The following NRXN1 variants were observed in gnomAD, a reference collection of about 807,000 sequenced individuals.
NRXN1 encodes neurexin 1.
A neutral mutation model predicts 150.9 loss-of-function variants in NRXN1; 39 were observed. The ratio of observed to expected loss-of-function variants is 0.26; its 90% CI spans 0.20 to 0.34. The LOEUF is 0.34. Ranked by LOEUF, NRXN1 falls within the 10% of genes least tolerant of loss-of-function variation. The pLI, the probability that NRXN1 is intolerant of heterozygous loss-of-function variation, is 1.00. For synonymous variants in NRXN1, 924 were observed against 757.0 expected (o/e 1.22, Z -3.62); for missense variants, 1,815 against 1,949.9 (o/e 0.93, Z 1.30).
At chr2:50,942,489 A>G (rs1689613170) in intron 2 of NRXN1, among the ~76,000 whole-genome samples, 1 of 152,192 alleles carries the variant, frequency 6.6e-6, no homozygotes, top group Non-Finnish European at 1.5e-5. Flanking sequence ...CATACCCTAC[A>G]GAGCCATGGA....
intron 5 of NRXN1, among the ~76,000 whole-genome samples, chr2:50,762,300 T>C (rs978077602): frequency 2.0e-5 from 3 of 151,888 alleles, no homozygotes; most frequent in Middle Eastern, 3.2e-3. Flanking sequence ...TGCCACCATG[T>C]CCAGCTCTAA....
At chr2:50,978,271 CATAT>C (rs10671122) in intron 2 of NRXN1, among the ~76,000 whole-genome samples, 5,441 of 94,886 alleles carry the variant, frequency 0.057, 250 homozygotes, top group East Asian at 0.082. Context: ...GGATATTATA[CATAT>C]ATATATATAT....
chr2:50,162,231 T>C (rs181941390), intron 18 of NRXN1, among the ~76,000 whole-genome samples: 30 of 152,286 alleles, frequency 2.0e-4, no homozygotes, highest in Non-Finnish European at 1.2e-4. Context: ...AGGCGTTTTA[T>C]ATAGTGTTAA....
chr2:50,054,054 T>C (rs1022761795), intron 20 of NRXN1, among the ~76,000 whole-genome samples: 2 of 152,194 alleles, frequency 1.3e-5, no homozygotes, highest in Non-Finnish European at 2.9e-5. Context: ...TGTCCACATA[T>C]ATCTATATGT....
chr2:50,667,781 A>G (rs1443642374), intron 5 of NRXN1, among the ~76,000 whole-genome samples: 2 of 151,934 alleles, frequency 1.3e-5, no homozygotes, highest in Non-Finnish European at 2.9e-5. Flanking sequence ...ATTCCTAAGT[A>G]TTATTGCATC....
intron 17 of NRXN1, among the ~76,000 whole-genome samples, chr2:50,264,640 G>T (rs2068648850): frequency 6.6e-6 from 1 of 151,956 alleles, no homozygotes; most frequent in Non-Finnish European, 1.5e-5. Context: ...CCAGCACAAG[G>T]ATGATCTCCC....
chr2:50,233,601 A>G (rs2065160097), intron 18 of NRXN1, among the ~76,000 whole-genome samples: 1 of 152,122 alleles, frequency 6.6e-6, no homozygotes, highest in Non-Finnish European at 1.5e-5. Context: ...AAGGATGAAA[A>G]TATTAAATCT....
chr2:50,870,107 T>C (rs146680340), intron 5 of NRXN1, among the ~76,000 whole-genome samples: 226 of 151,996 alleles, frequency 1.5e-3, no homozygotes, highest in African/African-American at 5.2e-3. Context: ...AATAACATTT[T>C]CTACTCAGAG....
At chr2:50,055,361 C>T (rs959539620) in intron 19 of NRXN1, among the ~76,000 whole-genome samples, 5 of 152,098 alleles carry the variant, frequency 3.3e-5, no homozygotes, top group South Asian at 2.1e-4. Context: ...GACCAATGAC[C>T]TCAGGGTTTT....
intron 12 of NRXN1, among the ~76,000 whole-genome samples, chr2:50,512,130 A>G (rs543802272): frequency 6.6e-6 from 1 of 152,316 alleles, no homozygotes; most frequent in East Asian, 1.9e-4. Flanking sequence ...TCATTCTTAG[A>G]AGGACCAAAA....
chr2:50,433,060 G>C (rs1406034570), intron 17 of NRXN1, among the ~76,000 whole-genome samples: 1 of 152,136 alleles, frequency 6.6e-6, no homozygotes, highest in African/African-American at 2.4e-5. Context: ...TACATAGAAG[G>C]AAACACCCTT....
At chr2:50,094,850 T>G (rs1023773089) in intron 18 of NRXN1, among the ~76,000 whole-genome samples, 4 of 151,606 alleles carry the variant, frequency 2.6e-5, no homozygotes, top group African/African-American at 9.7e-5. Context: ...CTGAAGGAAG[T>G]GCATTTACTA....
chr2:50,261,462 G>A (rs961112114), intron 17 of NRXN1, among the ~76,000 whole-genome samples: 31 of 151,902 alleles, frequency 2.0e-4, no homozygotes, highest in African/African-American at 7.2e-4. Context: ...CCAATGTAAT[G>A]TATAGCTGAC....
intron 22 of NRXN1, among the ~76,000 whole-genome samples, chr2:49,931,424 A>C (rs550594246): frequency 6.6e-6 from 1 of 152,220 alleles, no homozygotes; most frequent in South Asian, 2.1e-4. Context: ...TTTAAAGTTA[A>C]CTGAGTCATC....
chr2:50,194,592 A>T (rs2061642483), intron 18 of NRXN1, among the ~76,000 whole-genome samples: 1 of 152,152 alleles, frequency 6.6e-6, no homozygotes, highest in Admixed American at 6.6e-5. Context: ...TTCCCTTTGA[A>T]AGATAATGTT....
chr2:50,795,780 C>T (rs1203628350), intron 5 of NRXN1, among the ~76,000 whole-genome samples: 1 of 151,966 alleles, frequency 6.6e-6, no homozygotes, highest in Middle Eastern at 3.2e-3. Flanking sequence ...AAATTAAAGC[C>T]TTTGTGTATC....
At chr2:50,117,215 A>T (rs183228372) in intron 18 of NRXN1, among the ~76,000 whole-genome samples, 3 of 152,158 alleles carry the variant, frequency 2.0e-5, no homozygotes, top group African/African-American at 7.2e-5. Context: ...CATGTTGAAA[A>T]TTGAGGGCCA....
chr2:50,538,646 A>G lies in NRXN1; in HGVS notation c.1760-10T>C, dbSNP rs2105261156. ...TTGACAGAAATGGTACCTATTTCAAAGAGAGGAGAATGCACAGGTCTTTAA... is the reference window on the plus strand; with the variant it reads ...TTGACAGAAATGGTACCTATTTCAAGGAGAGGAGAATGCACAGGTCTTTAA... On this transcript the variant is annotated splice_polypyrimidine_tract_variant and intron_variant, in intron 9 of 22. Transcript: ENST00000401669. 2.0e-6 allele frequency: 3 copies of G among 1,476,434 alleles called. No individual in the cohort carries two copies. The highest frequency in any genetic ancestry group is 2.7e-6 in the Non-Finnish European group (3 of 1,110,978). The allele number at this position is 1,476,434 out of a possible 1,614,324, so 91.5% of individuals were successfully genotyped here.
intron 13 of NRXN1, among the ~76,000 whole-genome samples, chr2:50,504,433 GAGAC>G (rs1047456725): frequency 6.6e-6 from 1 of 152,096 alleles, no homozygotes; most frequent in Admixed American, 6.6e-5. Context: ...AGAGAGAGAA[GAGAC>G]AGTGAGAGAG....
Sources: allele counts gnomAD v4.1 joint callset (sites outside exome capture counted in the v4.1 genomes callset), GRCh38; gene constraint gnomAD v4.1.1; transcripts MANE v1.5; gene names NCBI Gene and HGNC (gene_info 2026-07-23, HGNC 2026-07-21).